The following PSMD1 variants were observed in gnomAD, a reference collection of about 807,000 sequenced individuals.
PSMD1 encodes the protein proteasome 26S subunit, non-ATPase 1.
In PSMD1, 18 loss-of-function variants were observed where a neutral mutation model predicts 119.0. The ratio of observed to expected loss-of-function variants is 0.15; its 90% CI spans 0.10 to 0.22. The LOEUF (loss-of-function observed/expected upper bound fraction) is 0.22, where lower values mean the gene tolerates loss of function less well. PSMD1 is among the 10% of genes least tolerant of loss of function. The pLI, the probability that PSMD1 is intolerant of heterozygous loss-of-function variation, is 1.00. For missense variants in PSMD1, 702 were observed against 1,158.5 expected (o/e 0.61, Z 5.72); for synonymous variants, 374 against 396.6 (o/e 0.94, Z 0.68).
At chr2:231,121,080 G>A (rs1695524320) in intron 16 of PSMD1, among the ~76,000 whole-genome samples, 1 of 152,066 alleles carries the variant, frequency 6.6e-6, no homozygotes, top group Non-Finnish European at 1.5e-5. Flanking sequence ...TTTTTTCATA[G>A]AAATTGAATT....
intron 17 of PSMD1, among the ~76,000 whole-genome samples, chr2:231,139,635 A>T (rs1213666268): frequency 1.3e-5 from 2 of 151,544 alleles, no homozygotes; most frequent in African/African-American, 4.8e-5. Flanking sequence ...TACTCAGGTT[A>T]TTTTATATGA....
chr2:231,143,187 GGGTTT>G (rs3035542), intron 17 of PSMD1, among the ~76,000 whole-genome samples: 30,535 of 144,970 alleles, frequency 0.21, 4,554 homozygotes, highest in African/African-American at 0.4. Context: ...GGAACGTTGT[GGGTTT>G]GGTTTGGTTT....
chr2:231,143,239 G>C (rs1003334513), intron 17 of PSMD1, among the ~76,000 whole-genome samples: 3 of 140,428 alleles, frequency 2.1e-5, no homozygotes, highest in Admixed American at 7.3e-5. Flanking sequence ...GTTTGGTTTG[G>C]TTTGGTTTAA....
At chr2:231,074,099 G>T (rs1156835766) in intron 7 of PSMD1, among the ~76,000 whole-genome samples, 3 of 151,866 alleles carry the variant, frequency 2.0e-5, no homozygotes, top group Admixed American at 2.0e-4. Flanking sequence ...ATCTTAGGGG[G>T]ATAGAATTTT....
chr2:231,058,086 C>T (rs1693654763), intron 1 of PSMD1, among the ~76,000 whole-genome samples: 1 of 152,236 alleles, frequency 6.6e-6, no homozygotes. Flanking sequence ...AGAGCTGTCA[C>T]TTGTACCTGA....
chr2:231,105,802 ACTAACACT>A (rs961842973), intron 16 of PSMD1, among the ~76,000 whole-genome samples: 14 of 143,616 alleles, frequency 9.7e-5, no homozygotes, highest in African/African-American at 3.9e-4. Flanking sequence ...TACCACTAAC[ACTAACACT>A]AACTTCATGA....
intron 1 of PSMD1, 107 bp from the exon 2 acceptor site, chr2:231,061,160 C>G (rs537614379): frequency 2.8e-6 from 2 of 722,408 alleles, no homozygotes; most frequent in Admixed American, 5.1e-5. Context: ...GGAGAAGTTA[C>G]GCCTCAAAAA....
Position 231,142,044 on chromosome 2 carries a change from G to A in PSMD1, c.1998+3194G>A, listed in dbSNP as rs547839883. ...ATTACAGGCATGTGCCACCACACCC[G>A]GCTAATTTTTATATTTTTAGTAGAG... On this transcript the variant is annotated intron_variant, in intron 17 of 24. Transcript: ENST00000308696. Among the ~76,000 whole-genome samples the A allele has an allele frequency of 2.0e-3, 304 of 152,044 alleles. 1 individual carries two copies. Among genetic ancestry groups the A allele is most frequent in the African/African-American group, 6.8e-3 (283 of 41,460 alleles).
intron 5 of PSMD1, 125 bp downstream of exon 5, chr2:231,067,236 G>C (rs1396809358): frequency 2.9e-6 from 2 of 694,550 alleles, no homozygotes; most frequent in Non-Finnish European, 4.6e-6. Context: ...GTGATCTTTT[G>C]CCAAATATTT....
chr2:231,163,346 G>A, intron 20 of PSMD1: 1 of 287,988 alleles, frequency 3.5e-6, no homozygotes, highest in Non-Finnish European at 6.5e-6. Flanking sequence ...TTGATCTGAT[G>A]CTCACACCAT....
chr2:231,057,174 A>C, intron 1 of PSMD1, 133 bp downstream of exon 1: 2 of 1,132,362 alleles, frequency 1.8e-6, no homozygotes, highest in South Asian at 3.5e-5. Context: ...CCCAGGGCCC[A>C]CCCCCGGGCC....
Position 231,109,359 on chromosome 2 carries a change from GGTT to G in PSMD1, c.1883+22181_1883+22183del, listed in dbSNP as rs749969953. 18 of 1,614,062 alleles carry G rather than the reference GGTT, an allele frequency of 1.1e-5. No individual in the cohort carries two copies. In the South Asian group the frequency reaches 1.2e-4, roughly 11 times the overall value. On this transcript the variant is annotated intron_variant, in intron 16 of 24. Transcript: ENST00000308696. The stretch of plus-strand genomic sequence containing the variant: ...GTCAGCACACAAGTGATATTGTTTG[GGTT>G]GTCCACATCAGTCTCTATCCCTTTA...
chr2:231,132,228 GTA>G (rs1695872051), intron 16 of PSMD1, among the ~76,000 whole-genome samples: 1 of 152,122 alleles, frequency 6.6e-6, no homozygotes, highest in Non-Finnish European at 1.5e-5. Flanking sequence ...TTTAAGAATA[GTA>G]TATATGTTAT....
intron 18 of PSMD1, among the ~76,000 whole-genome samples, chr2:231,150,619 T>G (rs1309659430): frequency 6.6e-6 from 1 of 152,072 alleles, no homozygotes; most frequent in African/African-American, 2.4e-5. Context: ...CAGAAATAAT[T>G]TATTTGATTA....
intron 16 of PSMD1, among the ~76,000 whole-genome samples, chr2:231,098,667 G>A (rs533625510): frequency 1.1e-4 from 16 of 152,160 alleles, no homozygotes; most frequent in Admixed American, 5.9e-4. Context: ...AGGGACCAGC[G>A]GGAGTAGAGC....
chr2:231,060,567 T>C (rs1693731541), intron 1 of PSMD1, among the ~76,000 whole-genome samples: 1 of 152,240 alleles, frequency 6.6e-6, no homozygotes. Flanking sequence ...AGGACAATTA[T>C]TCCTTTTACT....
chr2:231,095,595 C>T (rs1694703661), intron 16 of PSMD1, among the ~76,000 whole-genome samples: 1 of 152,214 alleles, frequency 6.6e-6, no homozygotes, highest in Non-Finnish European at 1.5e-5. Flanking sequence ...GACTATTTAG[C>T]ATCCCTTGAG....
chr2:231,109,969 A>G (rs1486783936), intron 16 of PSMD1, among the ~76,000 whole-genome samples: 1 of 152,164 alleles, frequency 6.6e-6, no homozygotes, highest in Non-Finnish European at 1.5e-5. Flanking sequence ...GCTACTTAAA[A>G]TTTGAGTGTG....
chr2:231,161,250 A>G, intron 19 of PSMD1, 90 bp from the exon 20 acceptor site: 2 of 1,285,910 alleles, frequency 1.6e-6, no homozygotes, highest in Non-Finnish European at 1.1e-6. Context: ...AAAAAAAAAA[A>G]AAGAAAGAAA....
Sources: gnomAD v4.1 joint callset for allele counts (sites outside exome capture counted in the v4.1 genomes callset) on GRCh38, gnomAD v4.1.1 for gene constraint, MANE v1.5 for transcripts, NCBI Gene and HGNC (gene_info 2026-07-23, HGNC 2026-07-21) for gene names.